Variants in DPP6 observed in about 807,000 individuals in gnomAD.
DPP6 encodes A-type potassium channel modulatory protein DPP6.
Under a neutral mutation model 122.6 loss-of-function variants are expected in DPP6, and 69 were observed. The observed-to-expected ratio is 0.56, with a 90% confidence interval of 0.46 to 0.69. The LOEUF is 0.69. Among genes scored for constraint, DPP6 ranks in the 30% least tolerant of loss-of-function variants. DPP6 has a pLI of 0.00. For missense variants in DPP6, 928 were observed against 1,116.9 expected, an observed-to-expected ratio of 0.83 and a Z score of 2.41; for synonymous variants, 418 against 433.1, an observed-to-expected ratio of 0.97 and a Z score of 0.43.
intron 1 of DPP6, among the ~76,000 whole-genome samples, chr7:154,228,152 A>G (rs1800717679): frequency 2.0e-5 from 3 of 152,224 alleles, no homozygotes; most frequent in Admixed American, 2.0e-4. Flanking sequence ...GTACTCCAGG[A>G]ATTCCCAGTG....
chr7:153,859,990 C>G, the DPP6 span, among the ~76,000 whole-genome samples: 136 of 152,224 alleles, frequency 8.9e-4, no homozygotes, highest in African/African-American at 3.2e-3. Context: ...GGTGGGAACA[C>G]GGAGCCAAAC....
rs1400121642 is a variant in DPP6 at position 154,282,858 on chromosome 7, C to G, written c.244-163356C>G. Among the ~76,000 whole-genome samples, 1 of 152,096 alleles carries G rather than the reference C, an allele frequency of 6.6e-6. No individual in the cohort carries two copies. The highest frequency in any genetic ancestry group is 2.4e-5 in the African/African-American group (1 of 41,404). The stretch of plus-strand genomic sequence containing the variant: ...TAACAAGAGGTTGAAGGAGAGATTG[C>G]CACTCTTTGGAGCCACATCTGAATG... On this transcript the variant is annotated intron_variant, in intron 1 of 25. Coordinates refer to ENST00000377770, the MANE Select transcript of DPP6 (RefSeq NM_130797.4). This position sits in a 1 kb window ranked among gnomAD's most constrained non-coding sequence, Gnocchi z 4.8.
At chr7:154,579,705 G>C (rs572198544) in intron 5 of DPP6, among the ~76,000 whole-genome samples, 3 of 152,294 alleles carry the variant, frequency 2.0e-5, no homozygotes, top group East Asian at 3.9e-4. Flanking sequence ...GAGTGACAGA[G>C]AGGAACAGAG....
At chr7:154,004,184 G>A (rs1359279485) in intron 1 of DPP6, among the ~76,000 whole-genome samples, 1 of 152,208 alleles carries the variant, frequency 6.6e-6, no homozygotes, top group African/African-American at 2.4e-5. Flanking sequence ...CATTGTTGAG[G>A]TTAAGTTTGC....
At position 154,879,303 on chromosome 7, in the gene DPP6, G is replaced by A. The variant is rs546339611; in HGVS notation, c.2079-1585G>A. Among the ~76,000 whole-genome samples the A allele has an allele frequency of 8.6e-5, 8 of 92,740 alleles. 2 individuals carry two copies. The highest frequency in any genetic ancestry group is 2.3e-3 in the East Asian group (2 of 884). The allele number at this position is 92,740 out of a possible 152,430, so 60.8% of individuals were successfully genotyped here. A position where few individuals can be genotyped will look rare whatever the true frequency, so the allele number is the denominator to read the frequency against. On this transcript the variant is annotated intron_variant, in intron 20 of 25. Transcript: ENST00000377770. ...TCTATTAAAAACACAAAAATCGGCC[G>A]GGCGCGGTGGCTCACGCCTGTAATC...
At chr7:154,070,670 TA>T (rs950930003) in intron 1 of DPP6, among the ~76,000 whole-genome samples, 1 of 152,216 alleles carries the variant, frequency 6.6e-6, no homozygotes, top group African/African-American at 2.4e-5. Flanking sequence ...AAATCCACTG[TA>T]AACAAAGACG....
In DPP6 at chr7:154,880,873, T is replaced by A. The variant is rs1182165343; in HGVS notation, c.2079-15T>A. 2 of 1,613,854 alleles carry A rather than the reference T, an allele frequency of 1.2e-6. No individual in the cohort carries two copies. The highest frequency in any genetic ancestry group is 1.7e-6 in the Non-Finnish European group (2 of 1,179,774). On this transcript the variant is annotated splice_polypyrimidine_tract_variant and intron_variant, in intron 20 of 25. Transcript: ENST00000377770. ...GATGTGCACTGAACCCTCTTTCCCC[T>A]CCTCGACCTCACAGGACGATGCTGA... is the stretch of plus-strand genomic sequence containing the variant.
chr7:154,087,624 A>G (rs1804519499), intron 1 of DPP6, among the ~76,000 whole-genome samples: 2 of 152,190 alleles, frequency 1.3e-5, no homozygotes, highest in African/African-American at 4.8e-5. Flanking sequence ...GTCCGTCCCT[A>G]ATCCAAGCCA....
At chr7:154,369,497 T>C (rs1812462019) in intron 1 of DPP6, among the ~76,000 whole-genome samples, 1 of 152,040 alleles carries the variant, frequency 6.6e-6, no homozygotes, top group Admixed American at 6.6e-5. Context: ...GCCTCCTGAG[T>C]AGCTGGGATT....
At chr7:154,238,493 ACTGT>A (rs1326628337) in intron 1 of DPP6, among the ~76,000 whole-genome samples, 1 of 152,162 alleles carries the variant, frequency 6.6e-6, no homozygotes, top group Admixed American at 6.6e-5. Context: ...GTCGGATTAG[ACTGT>A]CTGATTTAAG....
intron 6 of DPP6, among the ~76,000 whole-genome samples, chr7:154,647,448 T>G (rs545342663): frequency 6.6e-6 from 1 of 151,276 alleles, no homozygotes; most frequent in South Asian, 2.1e-4. Flanking sequence ...ACCATGTTCT[T>G]GGGGATTTAC....
In DPP6 at chr7:154,271,443, G is replaced by T. The variant is rs573329339; in HGVS notation, c.244-174771G>T. ...GCTATTTTCCATCATACAGAGCAAG[G>T]ACAACCAGAACTGCAAAGACAGAGG... On this transcript the variant is annotated intron_variant, in intron 1 of 25. Transcript: ENST00000377770. 9.8e-4 allele frequency among the ~76,000 whole-genome samples: 149 copies of T among 152,336 alleles called. 1 individual carries two copies. Among genetic ancestry groups the T allele is most frequent in the African/African-American group, 3.5e-3 (145 of 41,566 alleles).
At chr7:153,809,688 T>C in the DPP6 span, among the ~76,000 whole-genome samples, 4 of 151,862 alleles carry the variant, frequency 2.6e-5, no homozygotes, top group African/African-American at 9.7e-5. Context: ...GTAGAGAGCA[T>C]GGAGCAGCAC....
intron 1 of DPP6, among the ~76,000 whole-genome samples, chr7:154,353,717 A>C (rs187103193): frequency 5.1e-4 from 78 of 152,336 alleles, no homozygotes; most frequent in African/African-American, 1.8e-3. Flanking sequence ...TGCACATGGA[A>C]GACGACTCTG....
intron 3 of DPP6, among the ~76,000 whole-genome samples, chr7:154,509,957 T>C (rs10247061): frequency 0.43 from 65,713 of 151,938 alleles, 14,404 homozygotes; most frequent in Middle Eastern, 0.48. Context: ...AAGAAAGTGA[T>C]AGATCAAAGT....
chr7:154,108,045 A>T (rs960504588), intron 1 of DPP6, among the ~76,000 whole-genome samples: 1 of 152,244 alleles, frequency 6.6e-6, no homozygotes, highest in Non-Finnish European at 1.5e-5. Context: ...AGGAAAATTT[A>T]AAAATGTGTT....
the DPP6 span, among the ~76,000 whole-genome samples, chr7:153,772,473 A>G: frequency 1.3e-5 from 2 of 152,228 alleles, no homozygotes; most frequent in African/African-American, 2.4e-5. Context: ...ATGTGTAAAC[A>G]TGGGCATAAG....
chr7:154,584,935 A>G (rs1472644432), intron 5 of DPP6, among the ~76,000 whole-genome samples: 1 of 152,212 alleles, frequency 6.6e-6, no homozygotes, highest in African/African-American at 2.4e-5. Flanking sequence ...CTTTTTAAAA[A>G]TATGTATAGC....
the DPP6 span, among the ~76,000 whole-genome samples, chr7:153,828,446 G>C: frequency 6.6e-6 from 1 of 152,146 alleles, no homozygotes; most frequent in African/African-American, 2.4e-5. Flanking sequence ...TTTGTACTAT[G>C]ACTGCAATTC....
Sources: gnomAD v4.1 joint callset for allele counts (sites outside exome capture counted in the v4.1 genomes callset) on GRCh38, gnomAD v4.1.1 for gene constraint, Gnocchi (gnomAD v3.1) non-coding constraint, MANE v1.5 for transcripts, NCBI Gene and HGNC (gene_info 2026-07-23, HGNC 2026-07-21) for gene names.